JAML: variants seen among roughly 807,000 people sequenced by gnomAD.
JAML encodes the protein junctional adhesion molecule-like.
A neutral mutation model predicts 39.3 loss-of-function variants in JAML; 25 were observed. The ratio of observed to expected loss-of-function variants is 0.64; its 90% CI spans 0.46 to 0.89. The LOEUF is 0.89. JAML is among the 40% of genes least tolerant of loss of function. The probability of loss-of-function intolerance (pLI) is 0.00; values close to 1 mark genes in which losing one functional copy is unlikely to be tolerated. For synonymous variants in JAML, 162 were observed against 179.2 expected (o/e 0.90, Z 0.77); for missense variants, 440 against 486.9 (o/e 0.90, Z 0.91).
At chr11:118,211,811 A>G (rs1293719084) in intron 3 of JAML, among the ~76,000 whole-genome samples, 1 of 152,200 alleles carries the variant, frequency 6.6e-6, no homozygotes, top group Non-Finnish European at 1.5e-5. Flanking sequence ...AAAGAGCTCC[A>G]TGAAAGAACC....
At chr11:118,207,743 T>C (rs936881243) in intron 4 of JAML, among the ~76,000 whole-genome samples, 1 of 151,704 alleles carries the variant, frequency 6.6e-6, no homozygotes, top group African/African-American at 2.4e-5. Flanking sequence ...CCATTCTAGC[T>C]GGAAGAAAAA....
intron 9 of JAML, among the ~76,000 whole-genome samples, chr11:118,194,930 T>G (rs1026776406): frequency 6.6e-6 from 1 of 152,234 alleles, no homozygotes; most frequent in Non-Finnish European, 1.5e-5. Flanking sequence ...GACTGGCCCC[T>G]GCCAGCCTTT....
Position 118,212,297 on chromosome 11 carries a change from G to A in JAML, c.198+110C>T, listed in dbSNP as rs574234509. On this transcript the variant is annotated intron_variant, in intron 3 of 9. Transcript: ENST00000356289. ...CAGTTCTGATAATCTCCAAAGCCCC[G>A]GCTCTTGCAACACCTCCTGGTGGCA... 45 of 1,361,592 alleles carry A rather than the reference G, an allele frequency of 3.3e-5. No individual in the cohort carries two copies. The African/African-American group carries it at 4.6e-4, about 14-fold the overall frequency. 84.3% of individuals were successfully genotyped at this position (1,361,592 alleles called of 1,614,324 possible). A position where few individuals can be genotyped will look rare whatever the true frequency, so the allele number is the denominator to read the frequency against.
chr11:118,200,364 C>G, intron 7 of JAML, 110 bp downstream of exon 7: 1 of 1,313,058 alleles, frequency 7.6e-7, no homozygotes, highest in Non-Finnish European at 1.0e-6. Flanking sequence ...AAAAATACCC[C>G]CTTCTGTGAG....
intron 1 of JAML, among the ~76,000 whole-genome samples, chr11:118,217,899 G>C (rs562740995): frequency 2.0e-5 from 3 of 152,324 alleles, no homozygotes; most frequent in South Asian, 4.1e-4. Flanking sequence ...CAATATTTTA[G>C]AGCAAAGCTT....
chr11:118,200,344 G>A (rs892616602), intron 7 of JAML, 130 bp downstream of exon 7: 1 of 1,145,272 alleles, frequency 8.7e-7, no homozygotes. Flanking sequence ...TACCACAGAT[G>A]ATTCCATTTA....
intron 1 of JAML, among the ~76,000 whole-genome samples, chr11:118,217,493 G>A (rs532199604): frequency 3.3e-5 from 5 of 152,276 alleles, no homozygotes; most frequent in Middle Eastern, 3.4e-3. Context: ...TGATTTTAGC[G>A]GAAAAATTAC....
At chr11:118,216,418 T>C (rs760982038) in intron 1 of JAML, among the ~76,000 whole-genome samples, 35 of 151,898 alleles carry the variant, frequency 2.3e-4, no homozygotes, top group Non-Finnish European at 4.6e-4. Context: ...AATCGTATTC[T>C]CCAATCAACA....
intron 8 of JAML, 29 bp from the exon 9 acceptor site, chr11:118,196,850 C>T (rs1029732298): frequency 6.4e-7 from 1 of 1,561,894 alleles, no homozygotes; most frequent in South Asian, 1.1e-5. Flanking sequence ...ACAAAAATTC[C>T]TAAAAATTAG....
intron 9 of JAML, among the ~76,000 whole-genome samples, chr11:118,195,206 C>T (rs58628871): frequency 5.5e-4 from 83 of 152,270 alleles, no homozygotes; most frequent in African/African-American, 1.8e-3. Context: ...TCGCAAGTTA[C>T]TGCAGCATCA....
At chr11:118,219,625 T>C (rs915018634) in intron 1 of JAML, among the ~76,000 whole-genome samples, 4 of 152,244 alleles carry the variant, frequency 2.6e-5, no homozygotes, top group Admixed American at 6.5e-5. Flanking sequence ...CATGTTTTCA[T>C]ACCTTCTCTA....
chr11:118,216,935 C>T (rs1429315305), intron 1 of JAML, among the ~76,000 whole-genome samples: 1 of 152,194 alleles, frequency 6.6e-6, no homozygotes, highest in South Asian at 2.1e-4. Flanking sequence ...TCATAAGGGG[C>T]TTCCTTTATG....
At position 118,208,352 on chromosome 11, in the gene JAML, A is replaced by G. The variant is rs1591472342; in HGVS notation, c.424+2135T>C. 5.3e-5 allele frequency among the ~76,000 whole-genome samples: 8 copies of G among 152,374 alleles called. No homozygotes were observed. The South Asian group carries it at 1.7e-3, about 32-fold the overall frequency. ...AATGACAATGAAAAAAAAGTAGGATAATTAGGAGAGGGGCCAGAGGCCACC... is the reference window on the plus strand; with the variant it reads ...AATGACAATGAAAAAAAAGTAGGATGATTAGGAGAGGGGCCAGAGGCCACC... On this transcript the variant is annotated intron_variant, in intron 4 of 9. Coordinates refer to ENST00000356289, the MANE Select transcript of JAML (RefSeq NM_001098526.2).
At position 118,200,545 on chromosome 11, in the gene JAML, T is replaced by C; in HGVS notation, c.840A>G (p.Gly280=). 1 of 1,613,862 alleles carries C rather than the reference T, an allele frequency of 6.2e-7. No homozygotes were observed. The highest frequency in any genetic ancestry group is 8.5e-7 in the Non-Finnish European group (1 of 1,179,974). Residue 280 remains glycine, a synonymous_variant, in exon 7 of 10, where the codon GGA becomes GGG. Transcript: ENST00000356289. ...LGGNQLVIIV[G]IVCATILLLP... is the part of the protein sequence containing the mutation. ...GCAGCAGGATTGTGGCACAGACAAT[T>C]CCCACAATGATCACCAACTGATTAC...
intron 9 of JAML, among the ~76,000 whole-genome samples, chr11:118,195,998 AT>A (rs1167974963): frequency 8.7e-5 from 13 of 150,264 alleles, no homozygotes; most frequent in African/African-American, 3.2e-4. Flanking sequence ...TGCCTGGCTA[AT>A]TTTTTTGTAT....
Position 118,194,364 on chromosome 11 carries a change from CT to C in JAML, c.1145del (p.Lys382SerfsTer79), listed in dbSNP as rs768547342. On this transcript the variant is annotated frameshift_variant, in exon 10 of 10. Transcript: ENST00000356289. LOFTEE classifies it low-confidence loss of function (END_TRUNC). ...GTGTTTTTGGCATTCCCCCACCTGA[CT>C]TTTTTTCAAGTGAGTTGTTCCGATC... ...RSDRNNSLEK[K>X]SGGGMPKTQQ... 1.2e-6 allele frequency: 2 copies of C among 1,614,070 alleles called. No homozygotes were observed. The highest frequency in any genetic ancestry group is 1.7e-6 in the Non-Finnish European group (2 of 1,180,000).
In JAML at chr11:118,200,600, G is replaced by A. The variant is rs148107592; in HGVS notation, c.785C>T (p.Pro262Leu). 240 of 1,613,940 alleles carry A rather than the reference G, an allele frequency of 1.5e-4. No individual in the cohort carries two copies. Among genetic ancestry groups the A allele is most frequent in the East Asian group, 2.5e-4 (11 of 44,896 alleles). Reference protein sequence around the residue: ...SPEEPRTLVTPAALRPLVLGG... With the variant: ...SPEEPRTLVTLAALRPLVLGG... ...CAAGACCAGAGGCCTCAGGGCTGCCGGGGTCACCAGTGCTTGGGAAAGTAG... is the reference window on the plus strand; with the variant it reads ...CAAGACCAGAGGCCTCAGGGCTGCCAGGGTCACCAGTGCTTGGGAAAGTAG... The change falls in exon 7 of 10, where the codon CCG becomes CTG. Residue 262 changes from proline to leucine, a missense_variant. Coordinates refer to ENST00000356289, the MANE Select transcript of JAML (RefSeq NM_001098526.2).
At chr11:118,195,504 C>G (rs1948633439) in intron 9 of JAML, among the ~76,000 whole-genome samples, 1 of 152,186 alleles carries the variant, frequency 6.6e-6, no homozygotes, top group Non-Finnish European at 1.5e-5. Flanking sequence ...ACAAATAGCA[C>G]CGTGCTCATC....
chr11:118,214,212 C>T (rs375961642), intron 2 of JAML, among the ~76,000 whole-genome samples: 1 of 152,212 alleles, frequency 6.6e-6, no homozygotes, highest in East Asian at 1.9e-4. Flanking sequence ...CAACGAGAAG[C>T]TCAGCACTTA....
Sources: gnomAD v4.1 joint callset for allele counts (sites outside exome capture counted in the v4.1 genomes callset) on GRCh38, gnomAD v4.1.1 for gene constraint, MANE v1.5 for transcripts, NCBI Gene and HGNC (gene_info 2026-07-23, HGNC 2026-07-21) for gene names.